Variants in MYO5B observed in about 807,000 individuals in gnomAD.
MYO5B encodes myosin VB.
In MYO5B, 143 loss-of-function variants were observed where a neutral mutation model predicts 229.3. The observed-to-expected ratio is 0.62, with a 90% CI of 0.54 to 0.72. The LOEUF is 0.72. Ranked by LOEUF, MYO5B falls within the 30% of genes least tolerant of loss-of-function variation. The pLI is 0.00. For missense variants in MYO5B, 2,321 were observed against 2,331.0 expected, an observed-to-expected ratio of 1.00 and a Z score of 0.09; for synonymous variants, 918 against 885.2, an observed-to-expected ratio of 1.04 and a Z score of -0.66.
In MYO5B at chr18:50,112,596, A is replaced by G. The variant is rs142373166; in HGVS notation, c.28-57218T>C. On this transcript the variant is annotated intron_variant, in intron 1 of 39. Coordinates refer to ENST00000285039, the MANE Select transcript of MYO5B (RefSeq NM_001080467.3). ...ACTTGAGACTGGTTATGCCCCACGAAAAACCTTTTTCTGTCTGCTCCAAGG... is the reference window on the plus strand; with the variant it reads ...ACTTGAGACTGGTTATGCCCCACGAGAAACCTTTTTCTGTCTGCTCCAAGG... 7.4e-4 allele frequency among the ~76,000 whole-genome samples: 113 copies of G among 152,268 alleles called. No homozygotes were observed. In the East Asian group the frequency reaches 9.7e-3, roughly 13 times the overall value.
chr18:50,164,169 T>G (rs192365836), intron 1 of MYO5B, among the ~76,000 whole-genome samples: 40 of 152,318 alleles, frequency 2.6e-4, no homozygotes, highest in Admixed American at 1.4e-3. Flanking sequence ...TTAACTTACA[T>G]CATCAGGAGA....
At chr18:50,026,357 T>C (rs1024979647) in intron 4 of MYO5B, among the ~76,000 whole-genome samples, 1 of 152,246 alleles carries the variant, frequency 6.6e-6, no homozygotes, top group Non-Finnish European at 1.5e-5. Context: ...ATTCTGGGGC[T>C]GCTCAGCCAC....
chr18:50,101,824 G>T (rs2031660468), intron 1 of MYO5B, among the ~76,000 whole-genome samples: 1 of 152,160 alleles, frequency 6.6e-6, no homozygotes, highest in Non-Finnish European at 1.5e-5. Flanking sequence ...AAGAAAGTGT[G>T]GCAATTCCTC....
At chr18:50,069,806 T>C (rs986114354) in intron 1 of MYO5B, among the ~76,000 whole-genome samples, 8 of 152,108 alleles carry the variant, frequency 5.3e-5, no homozygotes, top group African/African-American at 1.9e-4. Flanking sequence ...GCCAGTGCTC[T>C]TTCTACTTCT....
At chr18:49,839,733 A>G in intron 35 of MYO5B, 1 of 243,168 alleles carries the variant, frequency 4.1e-6, no homozygotes, top group Non-Finnish European at 8.2e-6. Context: ...GAAATTTTAT[A>G]CAGATTCTAT....
chr18:50,110,296 C>A (rs551481976), intron 1 of MYO5B, among the ~76,000 whole-genome samples: 1 of 152,250 alleles, frequency 6.6e-6, no homozygotes, highest in Admixed American at 6.5e-5. Flanking sequence ...AGCATCTATG[C>A]CCTAAATACT....
At chr18:49,847,031 G>C in intron 33 of MYO5B, 115 bp downstream of exon 33, 1 of 1,347,928 alleles carries the variant, frequency 7.4e-7, no homozygotes, top group Non-Finnish European at 1.0e-6. Flanking sequence ...GGAGACAGAG[G>C]GTGGGGGCTG....
At chr18:49,992,483 T>G (rs2025944639) in intron 5 of MYO5B, 52 bp from the exon 6 acceptor site, 3 of 1,613,496 alleles carry the variant, frequency 1.9e-6, no homozygotes, top group Non-Finnish European at 2.5e-6. Context: ...GCTTTCTTGA[T>G]TTCAGGATTG....
chr18:49,959,016 A>T (rs1425132893), intron 12 of MYO5B, among the ~76,000 whole-genome samples: 1 of 152,102 alleles, frequency 6.6e-6, no homozygotes, highest in Non-Finnish European at 1.5e-5. Flanking sequence ...CAGGGTGGAC[A>T]CGGCTTCTCA....
At position 50,168,947 on chromosome 18, in the gene MYO5B, A is replaced by G. The variant is rs1249639918; in HGVS notation, c.27+25820T>C. Among the ~76,000 whole-genome samples, 8 of 125,818 alleles carry G rather than the reference A, an allele frequency of 6.4e-5. 1 individual carries two copies. Among genetic ancestry groups the G allele is most frequent in the African/African-American group, 2.4e-4 (8 of 33,078 alleles). The allele number at this position is 125,818 out of a possible 152,430, so 82.5% of individuals were successfully genotyped here. On this transcript the variant is annotated intron_variant, in intron 1 of 39. Coordinates refer to ENST00000285039, the MANE Select transcript of MYO5B (RefSeq NM_001080467.3). ...TTTCCATCAGAAATGTATTATTTCG[A>G]TCCTCCAAGCAACTATCACTTCTGA...
chr18:50,001,644 A>G (rs564353491), intron 4 of MYO5B, among the ~76,000 whole-genome samples: 1 of 152,302 alleles, frequency 6.6e-6, no homozygotes, highest in African/African-American at 2.4e-5. Context: ...TATGGCCTAG[A>G]GCGAGAGTGG....
intron 1 of MYO5B, among the ~76,000 whole-genome samples, chr18:50,177,871 C>G (rs1479667867): frequency 6.6e-6 from 1 of 152,220 alleles, no homozygotes; most frequent in Admixed American, 6.5e-5. Context: ...GTCTTCACAG[C>G]TGCCATGACA....
At position 49,895,128 on chromosome 18, in the gene MYO5B, G is replaced by A. The variant is rs761241438; in HGVS notation, c.2858C>T (p.Ser953Leu). ...TLSEQLSVTTSTYTMEVERLK... is the reference protein window; with the variant it reads ...TLSEQLSVTTLTYTMEVERLK... ...CCGCTCTACCTCCATGGTGTATGTTGAGGTGGTCACGGACAACTGCTCTGA... is the reference window on the plus strand; with the variant it reads ...CCGCTCTACCTCCATGGTGTATGTTAAGGTGGTCACGGACAACTGCTCTGA... The change falls in exon 22 of 40, where the codon TCA becomes TTA. Residue 953 changes from serine to leucine, a missense_variant. Physicochemically the swap from Ser to Leu is moderately radical, Grantham distance 145. Around this residue, in one of 2 missense-constraint regions of MYO5B, gnomAD observed 2,113 missense variants for 2,044.7 expected, o/e 1.03. Coordinates refer to ENST00000285039, the MANE Select transcript of MYO5B (RefSeq NM_001080467.3). The A allele has an allele frequency of 3.7e-6, 6 of 1,613,782 alleles. No homozygotes were observed. Among genetic ancestry groups the A allele is most frequent in the Non-Finnish European group, 4.2e-6 (5 of 1,179,978 alleles).
intron 20 of MYO5B, 152 bp from the exon 21 acceptor site, chr18:49,902,985 G>C (rs1224587744): frequency 9.9e-7 from 1 of 1,007,714 alleles, no homozygotes; most frequent in Non-Finnish European, 1.4e-6. Flanking sequence ...CTAAGGCTTT[G>C]GTGGTTGTTT....
At chr18:50,058,411 A>G (rs534120645) in intron 1 of MYO5B, among the ~76,000 whole-genome samples, 32 of 152,350 alleles carry the variant, frequency 2.1e-4, no homozygotes, top group African/African-American at 7.5e-4. Context: ...TCAAGGTTAC[A>G]GTGAGCTACA....
rs890830778 is a variant in MYO5B, at chr18:49,837,821, T to G, written c.4853-19A>C. On this transcript the variant is annotated intron_variant, in intron 36 of 39. Transcript: ENST00000285039. ...GCAGAAACTGAAATAAAAGCACAGT[T>G]AGAGAAGCTTGCATTCCCCACTAAC... 5 of 1,613,558 alleles carry G rather than the reference T, an allele frequency of 3.1e-6. No individual in the cohort carries two copies. Among genetic ancestry groups the G allele is most frequent in the Non-Finnish European group, 4.2e-6 (5 of 1,179,964 alleles).
At chr18:50,119,007 T>C (rs1015072304) in intron 1 of MYO5B, among the ~76,000 whole-genome samples, 1 of 152,216 alleles carries the variant, frequency 6.6e-6, no homozygotes, top group African/African-American at 2.4e-5. Flanking sequence ...GTCTTGTCTC[T>C]ACCTATAAGA....
At chr18:49,890,714 C>A (rs981405710) in intron 22 of MYO5B, among the ~76,000 whole-genome samples, 4 of 152,182 alleles carry the variant, frequency 2.6e-5, no homozygotes, top group African/African-American at 7.2e-5. Context: ...GGTTCCTCTG[C>A]CATCTGTCCT....
intron 2 of MYO5B, among the ~76,000 whole-genome samples, chr18:50,048,209 GA>G: frequency 6.6e-6 from 1 of 151,026 alleles, no homozygotes; most frequent in East Asian, 1.9e-4. Flanking sequence ...CCAATCCCCA[GA>G]AAGCTTATTC....
Sources: allele counts gnomAD v4.1 joint callset (sites outside exome capture counted in the v4.1 genomes callset), GRCh38; gene constraint gnomAD v4.1.1; regional missense constraint gnomAD v4.1.1; transcripts MANE v1.5; gene names NCBI Gene and HGNC (gene_info 2026-07-23, HGNC 2026-07-21).